The following FSTL4 variants were observed in gnomAD, a reference collection of about 807,000 sequenced individuals.
FSTL4 encodes follistatin like 4.
Under a neutral mutation model 78.2 loss-of-function variants are expected in FSTL4, and 28 were observed. The observed-to-expected ratio is 0.36, with a 90% CI of 0.27 to 0.49. FSTL4 has a LOEUF of 0.49. FSTL4 is among the 20% of genes least tolerant of loss of function. FSTL4 has a pLI of 0.98. For synonymous variants in FSTL4, 422 were observed against 440.5 expected, an observed-to-expected ratio of 0.96 and a Z score of 0.53; for missense variants, 922 against 1,084.9, an observed-to-expected ratio of 0.85 and a Z score of 2.11.
chr5:133,804,370 T>C, the FSTL4 span, among the ~76,000 whole-genome samples: 1 of 152,142 alleles, frequency 6.6e-6, no homozygotes, highest in Admixed American at 6.5e-5. Flanking sequence ...CCATAGCAAG[T>C]CAGCACAGCC....
chr5:133,282,281 G>A (rs1338300978), intron 6 of FSTL4, among the ~76,000 whole-genome samples: 2 of 152,118 alleles, frequency 1.3e-5, no homozygotes, highest in African/African-American at 4.8e-5. Context: ...ACACGGCCAG[G>A]AGCACCAAAC....
rs1397116235 is a variant in FSTL4, at chr5:133,408,318, C to G, written c.161-7332G>C. Among the ~76,000 whole-genome samples, 3 of 152,270 alleles carry G rather than the reference C, an allele frequency of 2.0e-5. No homozygotes were observed. The East Asian group carries it at 5.8e-4, about 29-fold the overall frequency. On this transcript the variant is annotated intron_variant, in intron 3 of 15. Transcript: ENST00000265342. Reference sequence around the variant, plus strand: ...CAGTAACCAACGTCACCTGAGGGAGCTGCCAAGGTCTCTCATCTCTTTCTT... The same window carrying G: ...CAGTAACCAACGTCACCTGAGGGAGGTGCCAAGGTCTCTCATCTCTTTCTT...
chr5:133,247,055 C>T (rs1270411282), intron 7 of FSTL4: 1 of 152,260 alleles, frequency 6.6e-6, no homozygotes, highest in Non-Finnish European at 1.5e-5. Flanking sequence ...GCTGTGCCGC[C>T]TCCTTCCCTC....
chr5:133,545,226 T>C lies in FSTL4; in HGVS notation c.160+21960A>G, dbSNP rs148600732. 3.3e-5 allele frequency among the ~76,000 whole-genome samples: 5 copies of C among 152,264 alleles called. No homozygotes were observed. In the East Asian group the frequency reaches 9.6e-4, roughly 29 times the overall value. ...TATGGTTTGAGAGTGCTCCCCAAGATTCCAGCGTGAGATCTGGTCCCTGGT... is the reference window on the plus strand; with the variant it reads ...TATGGTTTGAGAGTGCTCCCCAAGACTCCAGCGTGAGATCTGGTCCCTGGT... On this transcript the variant is annotated intron_variant, in intron 3 of 15. Transcript: ENST00000265342.
chr5:133,813,001 C>T, the FSTL4 span, among the ~76,000 whole-genome samples: 1 of 152,200 alleles, frequency 6.6e-6, no homozygotes, highest in Non-Finnish European at 1.5e-5. Context: ...TCCCTTTGGC[C>T]ATCGTGTTAA....
intron 3 of FSTL4, among the ~76,000 whole-genome samples, chr5:133,530,446 A>G (rs1759227945): frequency 6.6e-6 from 1 of 152,212 alleles, no homozygotes; most frequent in African/African-American, 2.4e-5. Flanking sequence ...GCCCACGTGT[A>G]ATCCTCAGTC....
At chr5:133,819,747 T>C in the FSTL4 span, among the ~76,000 whole-genome samples, 1 of 152,208 alleles carries the variant, frequency 6.6e-6, no homozygotes, top group African/African-American at 2.4e-5. Flanking sequence ...ATAGTCTGTT[T>C]TTCAAAAACT....
the FSTL4 span, among the ~76,000 whole-genome samples, chr5:133,647,076 G>A: frequency 0.1 from 15,371 of 152,194 alleles, 879 homozygotes; most frequent in South Asian, 0.17. Context: ...TTTGTCTCCT[G>A]TGCTGCATGA....
At chr5:133,405,365 C>T (rs1348350602) in intron 3 of FSTL4, among the ~76,000 whole-genome samples, 6 of 152,236 alleles carry the variant, frequency 3.9e-5, no homozygotes, top group African/African-American at 2.4e-5. Flanking sequence ...CCACCTGCCA[C>T]GAACCCTGGC....
chr5:133,240,646 A>AGG (rs957941752), intron 7 of FSTL4, among the ~76,000 whole-genome samples: 1 of 151,560 alleles, frequency 6.6e-6, no homozygotes, highest in African/African-American at 2.4e-5. Flanking sequence ...TGGATGCCAA[A>AGG]GGGGAGGCCC....
At chr5:133,657,051 C>G in the FSTL4 span, among the ~76,000 whole-genome samples, 1 of 152,174 alleles carries the variant, frequency 6.6e-6, no homozygotes, top group Non-Finnish European at 1.5e-5. Context: ...TTCAGAGCAG[C>G]AGGTGGGGAA....
intron 3 of FSTL4, among the ~76,000 whole-genome samples, chr5:133,446,394 C>G (rs546274498): frequency 6.6e-6 from 1 of 152,160 alleles, no homozygotes; most frequent in African/African-American, 2.4e-5. Flanking sequence ...GAGCCGAGAT[C>G]GAACCATGCC....
intron 2 of FSTL4, among the ~76,000 whole-genome samples, chr5:133,602,017 T>G (rs1760880005): frequency 6.6e-6 from 1 of 152,084 alleles, no homozygotes; most frequent in Non-Finnish European, 1.5e-5. Context: ...ACCTTTAACC[T>G]AGGCCATCCT....
chr5:133,375,916 T>C (rs1755423517), intron 4 of FSTL4, among the ~76,000 whole-genome samples: 1 of 152,232 alleles, frequency 6.6e-6, no homozygotes, highest in South Asian at 2.1e-4. Context: ...CATCAGTTGA[T>C]ATTTATACTT....
chr5:133,360,478 T>A lies in FSTL4; in HGVS notation c.409+40260A>T, dbSNP rs931120998. On this transcript the variant is annotated intron_variant, in intron 4 of 15. Transcript: ENST00000265342. Reference sequence around the variant, plus strand: ...GAGTTTGTTTTCAGGCAATAATTTTTTTTTTTTTTTTTTTTTTGCAACAAG... The same window carrying A: ...GAGTTTGTTTTCAGGCAATAATTTTATTTTTTTTTTTTTTTTTGCAACAAG... Among the ~76,000 whole-genome samples, 36 of 97,642 alleles carry A rather than the reference T, an allele frequency of 3.7e-4. No individual in the cohort carries two copies. The East Asian group carries it at 0.015, about 42-fold the overall frequency. The allele number at this position is 97,642 out of a possible 152,430, so 64.1% of individuals were successfully genotyped here. A position where few individuals can be genotyped will look rare whatever the true frequency, so the allele number is the denominator to read the frequency against.
At chr5:133,801,911 C>A in the FSTL4 span, among the ~76,000 whole-genome samples, 58 of 152,314 alleles carry the variant, frequency 3.8e-4, no homozygotes, top group African/African-American at 1.4e-3. Flanking sequence ...CCTGGGCATG[C>A]AAACACACCT....
intron 11 of FSTL4, among the ~76,000 whole-genome samples, chr5:133,221,916 T>TG (rs1561626896): frequency 7.6e-6 from 1 of 132,398 alleles, no homozygotes; most frequent in African/African-American, 3.2e-5. Context: ...TTTTTTTTTT[T>TG]TTTTTTTTTT....
At chr5:133,819,969 C>T in the FSTL4 span, among the ~76,000 whole-genome samples, 1 of 152,178 alleles carries the variant, frequency 6.6e-6, no homozygotes, top group Non-Finnish European at 1.5e-5. Flanking sequence ...GGTGGCCGCT[C>T]ATAGGTACAC....
At chr5:133,699,868 G>T in the FSTL4 span, among the ~76,000 whole-genome samples, 1 of 115,572 alleles carries the variant, frequency 8.7e-6, no homozygotes, top group Admixed American at 1.0e-4. Context: ...GTGAAAGAGT[G>T]AGACTCCATC....
Sources: gnomAD v4.1 joint callset for allele counts (sites outside exome capture counted in the v4.1 genomes callset) on GRCh38, gnomAD v4.1.1 for gene constraint, MANE v1.5 for transcripts, NCBI Gene and HGNC (gene_info 2026-07-23, HGNC 2026-07-21) for gene names.